The following GAD1 variants were observed in gnomAD, a reference collection of about 807,000 sequenced individuals.
GAD1 encodes the protein glutamate decarboxylase 1, also known as 67 kDa glutamic acid decarboxylase.
In GAD1, 35 loss-of-function variants were observed where a neutral mutation model predicts 75.2. That is an observed-to-expected ratio of 0.47 (90% CI 0.36 to 0.62). The LOEUF is 0.62. GAD1 is among the 20% of genes least tolerant of loss of function. GAD1 has a pLI of 0.00. For missense variants in GAD1, 490 were observed against 758.5 expected (o/e 0.65, Z 4.16); for synonymous variants, 257 against 271.9 (o/e 0.95, Z 0.54).
Position 170,845,634 on chromosome 2 carries a change from T to C in GAD1, c.867+13T>C. 1.2e-6 allele frequency: 2 copies of C among 1,613,384 alleles called. No homozygotes were observed. The highest frequency in any genetic ancestry group is 1.7e-6 in the Non-Finnish European group (2 of 1,179,320). On this transcript the variant is annotated intron_variant, in intron 8 of 16. Coordinates refer to ENST00000358196, the MANE Select transcript of GAD1 (RefSeq NM_000817.3). ...CACCTCAGAACAGGTGAGTCGGGGA[T>C]GCTTTCTCATGGATAGTGGTGTTTT...
rs763805751 is a variant in GAD1 at position 170,822,198 on chromosome 2, A to G, written c.145+49A>G. ...CCCGGCTGGGTGGCGCGGCGGGCGG[A>G]CCTTTGGGGCTTGGGAGACTGGGAC... On this transcript the variant is annotated intron_variant, in intron 3 of 16. Transcript: ENST00000358196. 34 of 1,509,754 alleles carry G rather than the reference A, an allele frequency of 2.3e-5. No individual in the cohort carries two copies. The East Asian group carries it at 7.5e-4, about 33-fold the overall frequency. The allele number at this position is 1,509,754 out of a possible 1,614,324, so 93.5% of individuals were successfully genotyped here.
At chr2:170,836,990 T>A (rs775282155) in intron 6 of GAD1, 107 bp downstream of exon 6, 61 of 762,418 alleles carry the variant, frequency 8.0e-5, no homozygotes, top group Non-Finnish European at 1.3e-4. Context: ...TCCCTGGTCA[T>A]TTTTTCTCTT....
rs758981572 is a variant in GAD1 at position 170,852,701 on chromosome 2, G to C, written c.1185-13G>C. ...CTCCTGCACCTTCTCGAAGTCTCAT[G>C]TGCTTCTTTCAGGGCCAACTCAGTC... On this transcript the variant is annotated splice_polypyrimidine_tract_variant and intron_variant, in intron 12 of 16. Transcript: ENST00000358196. 7.8e-5 allele frequency: 126 copies of C among 1,613,490 alleles called. 2 individuals are homozygous for C. The South Asian group carries it at 1.2e-3, about 16-fold the overall frequency.
chr2:170,839,549 G>C (rs1702456187), intron 6 of GAD1, among the ~76,000 whole-genome samples: 1 of 151,880 alleles, frequency 6.6e-6, no homozygotes, highest in Admixed American at 6.6e-5. Flanking sequence ...GGGAGGTAGA[G>C]GTTGCAGTGA....
chr2:170,829,197 A>G, intron 3 of GAD1: 1 of 480,964 alleles, frequency 2.1e-6, no homozygotes, highest in Non-Finnish European at 3.8e-6. Context: ...AACTTACTTA[A>G]TTGTGAGTTC....
At position 170,816,962 on chromosome 2, in the gene GAD1, T is replaced by A. The variant is rs982620703; in HGVS notation, c.-150T>A. 2 of 198,044 alleles carry A rather than the reference T, an allele frequency of 1.0e-5. No homozygotes were observed. Among genetic ancestry groups the A allele is most frequent in the Admixed American group, 6.1e-5 (1 of 16,348 alleles). The allele number at this position is 198,044 out of a possible 1,614,324, so 12.3% of individuals were successfully genotyped here. A position where few individuals can be genotyped will look rare whatever the true frequency, so the allele number is the denominator to read the frequency against. ...CAGCTGGAGGTGACGCCGGGCAGATTACGCCTGTCAGGGCCGAGCCGAGCG... is the reference window on the plus strand; with the variant it reads ...CAGCTGGAGGTGACGCCGGGCAGATAACGCCTGTCAGGGCCGAGCCGAGCG... On this transcript the variant is annotated 5_prime_UTR_variant, in exon 1 of 17. Coordinates refer to ENST00000358196, the MANE Select transcript of GAD1 (RefSeq NM_000817.3).
At position 170,836,899 on chromosome 2, in the gene GAD1, T is replaced by C; in HGVS notation, c.638+16T>C. 1 of 1,577,398 alleles carries C rather than the reference T, an allele frequency of 6.3e-7. No homozygotes were observed. Among genetic ancestry groups the C allele is most frequent in the Non-Finnish European group, 8.7e-7 (1 of 1,146,854 alleles). On this transcript the variant is annotated intron_variant, in intron 6 of 16. Transcript: ENST00000358196. ...ATACCAACATGTAAGTCTCATATGT[T>C]TTCATATAAGCAACCCTGATGTATG... is the stretch of plus-strand genomic sequence containing the variant.
chr2:170,832,662 G>GCA (rs1275912956), intron 5 of GAD1, among the ~76,000 whole-genome samples: 13,523 of 128,200 alleles, frequency 0.11, 667 homozygotes, highest in Non-Finnish European at 0.12. Flanking sequence ...GCGCGCGCGC[G>GCA]CGCACACACA....
chr2:170,820,821 TTTTC>T (rs1701857091), intron 2 of GAD1, among the ~76,000 whole-genome samples: 1 of 152,236 alleles, frequency 6.6e-6, no homozygotes, highest in African/African-American at 2.4e-5. Context: ...CCTCGATGTT[TTTTC>T]TTTGTCAAAT....
At chr2:170,821,410 T>G (rs1405992872) in intron 2 of GAD1, among the ~76,000 whole-genome samples, 1 of 152,016 alleles carries the variant, frequency 6.6e-6, no homozygotes, top group Non-Finnish European at 1.5e-5. Flanking sequence ...ACCCAAGATG[T>G]CAGAGGGAAG....
chr2:170,855,028 T>C (rs867061235), intron 14 of GAD1, among the ~76,000 whole-genome samples: 3 of 152,192 alleles, frequency 2.0e-5, no homozygotes, highest in Non-Finnish European at 2.9e-5. Context: ...TTCATAGTTT[T>C]ATATTACATA....
chr2:170,846,911 G>C (rs1445643585), intron 10 of GAD1, among the ~76,000 whole-genome samples: 1 of 152,190 alleles, frequency 6.6e-6, no homozygotes, highest in Non-Finnish European at 1.5e-5. Flanking sequence ...AGGTGAGGTA[G>C]GAGGATTACT....
chr2:170,844,407 C>CTTTT (rs11327360), intron 7 of GAD1, among the ~76,000 whole-genome samples: 8 of 124,508 alleles, frequency 6.4e-5, no homozygotes, highest in South Asian at 2.7e-4. Flanking sequence ...TTTCTTTTTT[C>CTTTT]TTTTTTTTTT....
intron 7 of GAD1, 52 bp from the exon 8 acceptor site, chr2:170,845,454 A>G: frequency 6.6e-7 from 1 of 1,516,992 alleles, no homozygotes; most frequent in South Asian, 1.1e-5. Flanking sequence ...TCGTTTTTAG[A>G]AACAATAATC....
chr2:170,852,817 C>A (rs753828851), intron 13 of GAD1, 25 bp downstream of exon 13: 15 of 1,599,540 alleles, frequency 9.4e-6, no homozygotes, highest in Non-Finnish European at 1.2e-5. Flanking sequence ...CAAAGCTACA[C>A]TGGGGCCCGT....
At chr2:170,848,513 G>C (rs879249547) in intron 11 of GAD1, among the ~76,000 whole-genome samples, 1 of 145,578 alleles carries the variant, frequency 6.9e-6, no homozygotes, top group African/African-American at 2.5e-5. Flanking sequence ...AAAAAAAAAA[G>C]AAAAAAGAAA....
chr2:170,850,646 G>A (rs1575444591), intron 12 of GAD1, among the ~76,000 whole-genome samples: 1 of 152,318 alleles, frequency 6.6e-6, no homozygotes, highest in Admixed American at 6.5e-5. Flanking sequence ...CCAAACTTTT[G>A]TCTCAGTTTT....
At chr2:170,821,919 A>T (rs372657731) in intron 2 of GAD1, 168 bp from the exon 3 acceptor site, 6 of 670,068 alleles carry the variant, frequency 9.0e-6, no homozygotes, top group African/African-American at 8.9e-5. Flanking sequence ...CTTAGAGTAT[A>T]TGCCTGTCGG....
At chr2:170,828,105 G>GTCCTCTCCC (rs765544734) in intron 3 of GAD1, among the ~76,000 whole-genome samples, 1 of 12,552 alleles carries the variant, frequency 8.0e-5, no homozygotes, top group African/African-American at 3.5e-4. Flanking sequence ...TCCTTCTGCT[G>GTCCTCTCCC]TCCTCCCTCT....
Sources: gnomAD v4.1 joint callset for allele counts (sites outside exome capture counted in the v4.1 genomes callset) on GRCh38, gnomAD v4.1.1 for gene constraint, MANE v1.5 for transcripts, NCBI Gene and HGNC (gene_info 2026-07-23, HGNC 2026-07-21) for gene names.